UPRT: variants seen among roughly 807,000 people sequenced by gnomAD.
UPRT encodes the protein RP11-311P8.3.
In UPRT, 5 loss-of-function variants were observed where a neutral mutation model predicts 22.6. That is an observed-to-expected ratio of 0.22 (90% CI 0.12 to 0.47). The LOEUF (loss-of-function observed/expected upper bound fraction) is 0.47, where lower values mean the gene tolerates loss of function less well. Ranked by LOEUF, UPRT falls within the 20% of genes least tolerant of loss-of-function variation. UPRT has a pLI of 0.99. For synonymous variants in UPRT, 77 were observed against 87.7 expected (o/e 0.88, Z 0.68); for missense variants, 181 against 239.9 (o/e 0.75, Z 1.62).
intron 4 of UPRT, among the ~76,000 whole-genome samples, chrX:75,195,270 C>T (rs762258773): frequency 1.2e-4 from 14 of 112,296 alleles, no homozygotes; most frequent in Admixed American, 4.7e-4. Context: ...AGAGTCACCC[C>T]ACCTGGGCAT....
chrX:75,173,410 T>C (rs1021319772), intron 4 of UPRT, among the ~76,000 whole-genome samples: 1 of 110,381 alleles, frequency 9.1e-6, no homozygotes, highest in African/African-American at 3.3e-5. Flanking sequence ...AGATACAGAG[T>C]GTCGATTGGT....
chrX:75,251,304 T>C (rs1469991109), intron 4 of UPRT, among the ~76,000 whole-genome samples: 3 of 111,473 alleles, frequency 2.7e-5, no homozygotes, highest in Non-Finnish European at 5.6e-5. Context: ...ATTGTATATC[T>C]AGAAAACCCG....
At chrX:75,188,839 C>T (rs1034374901) in intron 4 of UPRT, among the ~76,000 whole-genome samples, 3 of 111,913 alleles carry the variant, frequency 2.7e-5, no homozygotes. Flanking sequence ...CTCCCTGACC[C>T]CCTTCGCTTC....
intron 4 of UPRT, among the ~76,000 whole-genome samples, chrX:75,256,394 C>T (rs911834542): frequency 3.6e-5 from 4 of 111,253 alleles, no homozygotes; most frequent in African/African-American, 9.8e-5. Context: ...TAGCCATAAA[C>T]ACCTACATCA....
intron 4 of UPRT, 63 bp from the exon 5 acceptor site, chrX:75,299,672 G>A (rs2082737600): frequency 9.4e-7 from 1 of 1,065,105 alleles, no homozygotes; most frequent in Non-Finnish European, 1.2e-6. Flanking sequence ...CTATACTTTG[G>A]CCTGTTCTTG....
intron 3 of UPRT, 116 bp from the exon 4 acceptor site, chrX:75,297,375 G>A: frequency 1.6e-6 from 1 of 621,165 alleles, no homozygotes; most frequent in Non-Finnish European, 2.6e-6. Flanking sequence ...GCATTATACA[G>A]TGTGTCTGAA....
chrX:75,188,007 C>T (rs1020571088), intron 4 of UPRT, among the ~76,000 whole-genome samples: 50 of 112,174 alleles, frequency 4.5e-4, no homozygotes, highest in Non-Finnish European at 3.8e-5. Context: ...TCGTCTGAAG[C>T]CTTCTTCTCT....
intron 4 of UPRT, among the ~76,000 whole-genome samples, chrX:75,184,971 T>G (rs1434727740): frequency 4.5e-5 from 5 of 110,853 alleles, no homozygotes; most frequent in South Asian, 3.9e-4. Context: ...TGCAAACAGG[T>G]ACAATTTGAG....
chrX:75,188,626 C>G (rs1260980019), intron 4 of UPRT, among the ~76,000 whole-genome samples: 7 of 112,620 alleles, frequency 6.2e-5, no homozygotes, highest in Non-Finnish European at 1.3e-4. Flanking sequence ...CCGAGCCTCG[C>G]TGCCACCTTG....
intron 4 of UPRT, among the ~76,000 whole-genome samples, chrX:75,211,659 C>G (rs753015826): frequency 5.6e-4 from 62 of 111,465 alleles, no homozygotes; most frequent in African/African-American, 1.9e-3. Flanking sequence ...AACAAGGAGT[C>G]CACTCAGGAT....
chrX:75,185,023 G>T (rs2082284855), intron 4 of UPRT, among the ~76,000 whole-genome samples: 1 of 111,004 alleles, frequency 9.0e-6, no homozygotes, highest in South Asian at 3.8e-4. Flanking sequence ...TCCTTCTCCT[G>T]CCTGATTGCC....
chrX:75,233,276 T>C (rs373966688), intron 4 of UPRT, among the ~76,000 whole-genome samples: 1 of 110,110 alleles, frequency 9.1e-6, no homozygotes, highest in Non-Finnish European at 1.9e-5. Context: ...CCAAGAAATA[T>C]GAGACTATGT....
intron 4 of UPRT, among the ~76,000 whole-genome samples, chrX:75,171,922 T>G (rs1358500634): frequency 1.8e-5 from 2 of 111,951 alleles, no homozygotes; most frequent in African/African-American, 6.5e-5. Context: ...CACAGAGTCC[T>G]GTGATGTGAA....
chrX:75,215,033 G>A (rs1028745642), intron 4 of UPRT, among the ~76,000 whole-genome samples: 1 of 110,781 alleles, frequency 9.0e-6, no homozygotes, highest in Non-Finnish European at 1.9e-5. Context: ...AAAGTGACAG[G>A]TAGTTTTATG....
intron 2 of UPRT, among the ~76,000 whole-genome samples, chrX:75,162,213 A>G (rs1177181700): frequency 9.2e-6 from 1 of 108,744 alleles, no homozygotes; most frequent in African/African-American, 3.4e-5. Context: ...CAGCCTCCCA[A>G]AGTGCTGAGA....
chrX:75,265,181 T>C (rs1474112509), intron 4 of UPRT, among the ~76,000 whole-genome samples: 1 of 110,939 alleles, frequency 9.0e-6, no homozygotes, highest in Admixed American at 9.7e-5. Context: ...TCTCGAGGAG[T>C]ATCTTCGTGG....
chrX:75,180,681 G>GTTTTTTTTTTTTGTT (rs2082266200), intron 4 of UPRT, among the ~76,000 whole-genome samples: 28 of 43,901 alleles, frequency 6.4e-4, no homozygotes, highest in East Asian at 8.7e-4. Context: ...CCTTTTCTCT[G>GTTTTTTTTTTTTGTT]TTTTTTTTTT....
At chrX:75,252,634 C>A (rs181180838) in intron 4 of UPRT, among the ~76,000 whole-genome samples, 2 of 111,794 alleles carry the variant, frequency 1.8e-5, no homozygotes, top group African/African-American at 3.3e-5. Flanking sequence ...GTCAGTGTGG[C>A]GATTCCACTA....
rs764735595 is a variant in UPRT at position 75,241,344 on chromosome X, T to A, written c.-446-49680T>A. ...AAAAAATGCTCAACATCACTAATGATCAGGGAAATGCAAATCTAAACCACA... is the reference window on the plus strand; with the variant it reads ...AAAAAATGCTCAACATCACTAATGAACAGGGAAATGCAAATCTAAACCACA... On this transcript the variant is annotated intron_variant, in intron 4 of 13. Coordinates refer to the UPRT transcript ENST00000652605. 1.6e-4 allele frequency among the ~76,000 whole-genome samples: 18 copies of A among 111,723 alleles called. 1 individual carries two copies. In the South Asian group the frequency reaches 6.3e-3, roughly 39 times the overall value.
Sources: gnomAD v4.1 joint callset for allele counts (sites outside exome capture counted in the v4.1 genomes callset) on GRCh38, gnomAD v4.1.1 for gene constraint, MANE v1.5 for transcripts, NCBI Gene and HGNC (gene_info 2026-07-23, HGNC 2026-07-21) for gene names.